MAK: variants seen among roughly 807,000 people sequenced by gnomAD.
The protein encoded by MAK is male germ cell associated kinase, also known as serine/threonine-protein kinase MAK.
In MAK, 65 loss-of-function variants were observed where a neutral mutation model predicts 82.6. The observed-to-expected ratio is 0.79, with a 90% CI of 0.64 to 0.97. The LOEUF (loss-of-function observed/expected upper bound fraction) is 0.97, where lower values mean the gene tolerates loss of function less well. Ranked by LOEUF, MAK falls within the 50% of genes least tolerant of loss-of-function variation. MAK has a pLI of 0.00. For missense variants in MAK, 703 were observed against 780.2 expected (o/e 0.90, Z 1.18); for synonymous variants, 250 against 274.2 (o/e 0.91, Z 0.87).
rs189245784 is a variant in MAK, at chr6:10,834,843, C to T, written c.-230+3660G>A. Among the ~76,000 whole-genome samples, 401 of 152,260 alleles carry T rather than the reference C, an allele frequency of 2.6e-3. 1 individual carries two copies. The highest frequency in any genetic ancestry group is 8.3e-3 in the South Asian group (40 of 4,822). ...CTCACTCTGTGCCAGGTCCGACCCG[C>T]AGACCCTGGCTGAATGACAGATCAA... is the stretch of plus-strand genomic sequence containing the variant. On this transcript the variant is annotated intron_variant, in intron 1 of 14. Transcript: ENST00000354489.
intron 8 of MAK, among the ~76,000 whole-genome samples, chr6:10,798,181 G>A (rs183948536): frequency 2.9e-5 from 4 of 140,346 alleles, no homozygotes; most frequent in South Asian, 2.3e-4. Context: ...GCAGTGGCAC[G>A]ATCTTGGCTC....
chr6:10,801,805 G>GTAT, intron 8 of MAK, 87 bp downstream of exon 8: 2 of 1,290,424 alleles, frequency 1.5e-6, no homozygotes, highest in Non-Finnish European at 2.3e-6. Flanking sequence ...TCCTGGTTGA[G>GTAT]AATAGACCTG....
chr6:10,794,269 G>T (rs1253969012), intron 9 of MAK, among the ~76,000 whole-genome samples: 1 of 152,156 alleles, frequency 6.6e-6, no homozygotes, highest in Non-Finnish European at 1.5e-5. Flanking sequence ...AGTCATGTGG[G>T]CAATTATTCA....
intron 1 of MAK, among the ~76,000 whole-genome samples, chr6:10,832,065 C>T (rs1378663860): frequency 2.0e-5 from 3 of 152,192 alleles, no homozygotes; most frequent in Non-Finnish European, 2.9e-5. Flanking sequence ...CCCCTGTCAC[C>T]ATCACTCCCC....
At position 10,808,866 on chromosome 6, in the gene MAK, T is replaced by C. The variant is rs753121326; in HGVS notation, c.435A>G (p.Gly145=). 1.2e-5 allele frequency: 19 copies of C among 1,613,512 alleles called. No individual in the cohort carries two copies. Among genetic ancestry groups the C allele is most frequent in the Non-Finnish European group, 1.5e-5 (18 of 1,179,760 alleles). The part of the protein sequence containing the change: ...GPELVKIADF[G]LARELRSQPP... The stretch of plus-strand genomic sequence containing the variant: ...GCTGTGACCTTAATTCTCTTGCAAG[T>C]CCAAAATCAGCAATTTTCACAAGCT... The change falls in exon 6 of 15, where the codon GGA becomes GGG. Residue 145 remains glycine, a synonymous_variant. Transcript: ENST00000354489.
At chr6:10,791,961 ACAT>A (rs2127542827) in intron 9 of MAK, 114 bp from the exon 10 acceptor site, 1 of 1,156,166 alleles carries the variant, frequency 8.6e-7, no homozygotes, top group South Asian at 1.3e-5. Context: ...AGCGTTCCAT[ACAT>A]GTAAGGGCAT....
chr6:10,830,416 G>A (rs510320), intron 2 of MAK, 132 bp downstream of exon 2: 19,808 of 726,232 alleles, frequency 0.027, 502 homozygotes, highest in Admixed American at 0.099. Context: ...CGCCCGCCTC[G>A]GCCTCCCAAA....
chr6:10,779,766 C>T (rs1260552763), intron 11 of MAK, among the ~76,000 whole-genome samples: 1 of 152,168 alleles, frequency 6.6e-6, no homozygotes, highest in Non-Finnish European at 1.5e-5. Flanking sequence ...CTCACTGCAA[C>T]ATCTGCCTTC....
chr6:10,817,779 G>A (rs1777606284), intron 4 of MAK, 71 bp downstream of exon 4: 1 of 1,221,696 alleles, frequency 8.2e-7, no homozygotes, highest in African/African-American at 1.5e-5. Context: ...CTCTCATAAA[G>A]TATGACATAT....
rs149237738 is a variant in MAK, at chr6:10,781,110, C to T, written c.1465+3314G>A. Reference sequence around the variant, plus strand: ...TTGCTCCTCTACACGCAAACCTGCTCGGAGCACTGCTGAAATGCTTCATTC... The same window carrying T: ...TTGCTCCTCTACACGCAAACCTGCTTGGAGCACTGCTGAAATGCTTCATTC... On this transcript the variant is annotated intron_variant, in intron 11 of 14. Transcript: ENST00000354489. Among the ~76,000 whole-genome samples, 193 of 152,204 alleles carry T rather than the reference C, an allele frequency of 1.3e-3. 2 individuals are homozygous for T. Among genetic ancestry groups the T allele is most frequent in the African/African-American group, 4.4e-3 (181 of 41,524 alleles).
intron 14 of MAK, among the ~76,000 whole-genome samples, chr6:10,765,993 T>A (rs142907129): frequency 6.6e-6 from 1 of 152,342 alleles, no homozygotes; most frequent in East Asian, 1.9e-4. Context: ...AAGCAGGAGA[T>A]CATTTTACAG....
chr6:10,836,376 T>G (rs1230423387), intron 1 of MAK, among the ~76,000 whole-genome samples: 1 of 152,182 alleles, frequency 6.6e-6, no homozygotes, highest in African/African-American at 2.4e-5. Flanking sequence ...CTGCCCAGGG[T>G]GAGACGCTGA....
At chr6:10,807,547 G>T (rs1776586888) in intron 6 of MAK, among the ~76,000 whole-genome samples, 1 of 151,390 alleles carries the variant, frequency 6.6e-6, no homozygotes, top group African/African-American at 2.4e-5. Flanking sequence ...AGCCATGTTG[G>T]CCAGGCTGGT....
intron 14 of MAK, among the ~76,000 whole-genome samples, chr6:10,767,989 G>A (rs1772625520): frequency 6.6e-6 from 1 of 151,954 alleles, no homozygotes; most frequent in Non-Finnish European, 1.5e-5. Flanking sequence ...CTAAGGATTT[G>A]CATTGACCAC....
At chr6:10,813,086 T>A (rs564249534) in intron 5 of MAK, among the ~76,000 whole-genome samples, 685 of 34,824 alleles carry the variant, frequency 0.02, 24 homozygotes, top group Middle Eastern at 0.038. Flanking sequence ...TTATGTATTT[T>A]TATATATATA....
chr6:10,789,016 CCATA>C (rs1774843347), intron 10 of MAK, among the ~76,000 whole-genome samples: 1 of 151,940 alleles, frequency 6.6e-6, no homozygotes. Flanking sequence ...ACTACCTTAT[CCATA>C]ATACACTCTG....
At chr6:10,796,423 A>G in intron 8 of MAK, 114 bp from the exon 9 acceptor site, 1 of 803,130 alleles carries the variant, frequency 1.2e-6, no homozygotes, top group Admixed American at 2.1e-5. Context: ...ATGAGCTTCA[A>G]AGATTTAGAA....
chr6:10,780,927 T>A (rs512930), intron 11 of MAK, among the ~76,000 whole-genome samples: 102,577 of 151,840 alleles, frequency 0.68, 36,153 homozygotes, highest in East Asian at 0.87. Context: ...TACACACAGG[T>A]GTCTAAAGAT....
At chr6:10,771,857 TCTTTA>T (rs1773048911) in intron 13 of MAK, among the ~76,000 whole-genome samples, 1 of 152,254 alleles carries the variant, frequency 6.6e-6, no homozygotes, top group South Asian at 2.1e-4. Flanking sequence ...ACTAATCAGT[TCTTTA>T]CTTCAGAAAA....
Sources: allele counts gnomAD v4.1 joint callset (sites outside exome capture counted in the v4.1 genomes callset), GRCh38; gene constraint gnomAD v4.1.1; transcripts MANE v1.5; gene names NCBI Gene and HGNC (gene_info 2026-07-23, HGNC 2026-07-21).